The following SLC4A4 variants were observed in gnomAD, a reference collection of about 807,000 sequenced individuals.
SLC4A4 encodes the protein electrogenic sodium bicarbonate cotransporter 1.
Under a neutral mutation model 111.5 loss-of-function variants are expected in SLC4A4, and 27 were observed. The observed-to-expected ratio is 0.24, with a 90% CI of 0.18 to 0.33. SLC4A4 has a LOEUF of 0.33. SLC4A4 is among the 10% of genes least tolerant of loss of function. The pLI is 1.00. For missense variants in SLC4A4, 909 were observed against 1,315.5 expected (o/e 0.69, Z 4.78); for synonymous variants, 443 against 463.4 (o/e 0.96, Z 0.57).
intron 3 of SLC4A4, among the ~76,000 whole-genome samples, chr4:71,276,794 T>C (rs1477366130): frequency 1.3e-5 from 2 of 152,168 alleles, no homozygotes; most frequent in Admixed American, 6.5e-5. Context: ...ACGCTTGTAG[T>C]CCCAGCACTT....
At chr4:71,280,395 A>C (rs1723417569) in intron 3 of SLC4A4, among the ~76,000 whole-genome samples, 1 of 152,060 alleles carries the variant, frequency 6.6e-6, no homozygotes, top group Non-Finnish European at 1.5e-5. Context: ...AAAACTTTTC[A>C]GTTTGTTGTA....
At chr4:71,093,538 AC>A (rs1165001868) in intron 2 of SLC4A4, among the ~76,000 whole-genome samples, 1 of 152,084 alleles carries the variant, frequency 6.6e-6, no homozygotes, top group Non-Finnish European at 1.5e-5. Flanking sequence ...GGATAGAAAA[AC>A]CTTTTTGTTC....
intron 7 of SLC4A4, among the ~76,000 whole-genome samples, chr4:71,432,991 T>C (rs2149044189): frequency 6.6e-6 from 1 of 152,234 alleles, no homozygotes; most frequent in South Asian, 2.1e-4. Flanking sequence ...TCTGTGTCTT[T>C]TGAATGGTCT....
chr4:71,271,711 A>G (rs1331777602), intron 3 of SLC4A4, among the ~76,000 whole-genome samples: 1 of 152,236 alleles, frequency 6.6e-6, no homozygotes, highest in Non-Finnish European at 1.5e-5. Flanking sequence ...ATAAGGAGCA[A>G]TAAGAATAAA....
chr4:71,552,820 T>C (rs1736138314), intron 20 of SLC4A4, among the ~76,000 whole-genome samples: 1 of 151,614 alleles, frequency 6.6e-6, no homozygotes, highest in Non-Finnish European at 1.5e-5. Flanking sequence ...ATTACTCCTG[T>C]CTTGCTTTGT....
At chr4:71,147,233 A>G (rs1315640340) in intron 2 of SLC4A4, among the ~76,000 whole-genome samples, 13 of 152,166 alleles carry the variant, frequency 8.5e-5, no homozygotes, top group Non-Finnish European at 1.5e-5. Flanking sequence ...TTGTTTAACA[A>G]GAAGCCCTCC....
chr4:71,453,089 AGAAT>A (rs1268259684), intron 11 of SLC4A4, among the ~76,000 whole-genome samples: 1 of 152,174 alleles, frequency 6.6e-6, no homozygotes, highest in Non-Finnish European at 1.5e-5. Flanking sequence ...TGAAGATGAA[AGAAT>A]GAATGATGAA....
chr4:71,322,845 AGTGTCCTTT>A (rs1432355418), intron 3 of SLC4A4, among the ~76,000 whole-genome samples: 8 of 151,988 alleles, frequency 5.3e-5, no homozygotes, highest in African/African-American at 1.9e-4. Flanking sequence ...GTTTATAGAA[AGTGTCCTTT>A]CTTTCCATGC....
At chr4:71,344,826 G>C (rs898802226) in intron 4 of SLC4A4, among the ~76,000 whole-genome samples, 8 of 152,018 alleles carry the variant, frequency 5.3e-5, no homozygotes, top group Non-Finnish European at 1.0e-4. Flanking sequence ...TATTCTTGTA[G>C]GATCAGGATA....
intron 18 of SLC4A4, among the ~76,000 whole-genome samples, chr4:71,537,301 A>G (rs759614697): frequency 7.8e-5 from 2 of 25,804 alleles, no homozygotes; most frequent in Non-Finnish European, 2.4e-4. Flanking sequence ...ACATATATGT[A>G]TATGTATACA....
At chr4:71,090,006 G>GAGGC (rs1362575093) in intron 1 of SLC4A4, among the ~76,000 whole-genome samples, 2 of 150,784 alleles carry the variant, frequency 1.3e-5, no homozygotes, top group African/African-American at 2.4e-5. Context: ...GGAGTCTACA[G>GAGGC]AGGCAGGCAG....
At chr4:71,370,142 T>C (rs1365338694) in intron 6 of SLC4A4, among the ~76,000 whole-genome samples, 1 of 152,220 alleles carries the variant, frequency 6.6e-6, no homozygotes, top group African/African-American at 2.4e-5. Context: ...CTGAAGAATC[T>C]TGTGAAGTGG....
chr4:71,126,032 T>G (rs1220941496), intron 2 of SLC4A4, among the ~76,000 whole-genome samples: 3 of 152,258 alleles, frequency 2.0e-5, no homozygotes, highest in Non-Finnish European at 4.4e-5. Context: ...ATGATTATTT[T>G]GTAATGTTTT....
At position 71,383,266 on chromosome 4, in the gene SLC4A4, A is replaced by G. The variant is rs561955300; in HGVS notation, c.731-14311A>G. ...AAAGAACTTTCTATATCCGTGATGT[A>G]TATACATAAGTAAGCGAGGTACTTA... On this transcript the variant is annotated intron_variant, in intron 6 of 25. Coordinates refer to ENST00000264485, the MANE Select transcript of SLC4A4 (RefSeq NM_001098484.3). 2.6e-5 allele frequency among the ~76,000 whole-genome samples: 4 copies of G among 152,344 alleles called. No homozygotes were observed. The East Asian group carries it at 7.7e-4, about 29-fold the overall frequency.
At chr4:71,250,233 G>A (rs1578676621) in intron 2 of SLC4A4, among the ~76,000 whole-genome samples, 1 of 152,232 alleles carries the variant, frequency 6.6e-6, no homozygotes, top group East Asian at 1.9e-4. Context: ...AGAAGACCAG[G>A]TTATATTAGA....
At chr4:71,194,323 A>G (rs756491633) in intron 1 of SLC4A4, among the ~76,000 whole-genome samples, 13 of 152,192 alleles carry the variant, frequency 8.5e-5, no homozygotes, top group Non-Finnish European at 1.3e-4. Flanking sequence ...GTATTCTTCA[A>G]CATTCCTTAT....
At chr4:71,414,372 A>G (rs1301165835) in intron 7 of SLC4A4, among the ~76,000 whole-genome samples, 1 of 152,228 alleles carries the variant, frequency 6.6e-6, no homozygotes, top group African/African-American at 2.4e-5. Flanking sequence ...TTCATAAACT[A>G]TACTAGGGTG....
At chr4:71,468,500 T>C (rs1474466239) in intron 13 of SLC4A4, among the ~76,000 whole-genome samples, 1 of 152,000 alleles carries the variant, frequency 6.6e-6, no homozygotes, top group East Asian at 1.9e-4. Flanking sequence ...ATAACATAGT[T>C]CCAAGTGATT....
intron 2 of SLC4A4, among the ~76,000 whole-genome samples, chr4:71,130,452 G>T (rs1743672512): frequency 6.6e-6 from 1 of 151,978 alleles, no homozygotes. Flanking sequence ...TGCCCAGGCT[G>T]GTCTTCAACT....
Sources: allele counts gnomAD v4.1 joint callset (sites outside exome capture counted in the v4.1 genomes callset), GRCh38; gene constraint gnomAD v4.1.1; transcripts MANE v1.5; gene names NCBI Gene and HGNC (gene_info 2026-07-23, HGNC 2026-07-21).